Variants in STK24 observed in about 807,000 individuals in gnomAD.
STK24 encodes serine/threonine-protein kinase 24.
STK24 carries 21 observed loss-of-function variants against 55.6 expected under a neutral mutation model. That is an observed-to-expected ratio of 0.38 (90% confidence interval 0.27 to 0.54). The LOEUF (loss-of-function observed/expected upper bound fraction) is 0.54. STK24 is among the 20% of genes least tolerant of loss of function. The pLI, the probability that STK24 is intolerant of heterozygous loss-of-function variation, is 0.79. For synonymous variants in STK24, 200 were observed against 215.2 expected, an observed-to-expected ratio of 0.93 and a Z score of 0.62; for missense variants, 383 against 538.4, an observed-to-expected ratio of 0.71 and a Z score of 2.86.
intron 2 of STK24, chr13:98,508,869 T>C (rs555009686): frequency 6.6e-6 from 1 of 151,768 alleles, no homozygotes; most frequent in South Asian, 2.1e-4. Flanking sequence ...TCTTCAGCTT[T>C]GCCAATTTCA....
At chr13:98,503,974 CCAAA>C (rs1895588958) in intron 2 of STK24, among the ~76,000 whole-genome samples, 1 of 152,164 alleles carries the variant, frequency 6.6e-6, no homozygotes, top group South Asian at 2.1e-4. Context: ...CCTGCGATGG[CCAAA>C]CACTCTCTCC....
chr13:98,551,767 T>C (rs1566401227), intron 1 of STK24, among the ~76,000 whole-genome samples: 2 of 152,226 alleles, frequency 1.3e-5, no homozygotes, highest in Admixed American at 6.5e-5. Context: ...GAAGCTGGCC[T>C]GTGAGTTCAT....
chr13:98,536,015 A>C (rs558141650), intron 1 of STK24, among the ~76,000 whole-genome samples: 1 of 152,366 alleles, frequency 6.6e-6, no homozygotes, highest in African/African-American at 2.4e-5. Context: ...ATTTCAATTA[A>C]TAACGCATTT....
chr13:98,511,309 AC>A (rs1401367545), intron 2 of STK24, among the ~76,000 whole-genome samples: 1 of 152,268 alleles, frequency 6.6e-6, no homozygotes, highest in Non-Finnish European at 1.5e-5. Context: ...ACAATGAAAT[AC>A]CATTCCACAC....
chr13:98,485,792 T>C (rs1367786729), intron 2 of STK24, among the ~76,000 whole-genome samples: 1 of 152,096 alleles, frequency 6.6e-6, no homozygotes, highest in Non-Finnish European at 1.5e-5. Flanking sequence ...TTTGCAAGCA[T>C]TCCAGCCGCT....
intron 5 of STK24, among the ~76,000 whole-genome samples, chr13:98,467,354 C>A (rs1260988459): frequency 6.6e-6 from 1 of 152,070 alleles, no homozygotes; most frequent in Non-Finnish European, 1.5e-5. Flanking sequence ...CCTATCAGTG[C>A]CTGAAATTAA....
At chr13:98,568,348 G>A (rs1471136612) in intron 1 of STK24, among the ~76,000 whole-genome samples, 1 of 152,134 alleles carries the variant, frequency 6.6e-6, no homozygotes, top group Admixed American at 6.5e-5. Context: ...CTCAGGAACT[G>A]ACGGCACCAG....
chr13:98,463,584 TAAA>T (rs56325686), intron 7 of STK24, 104 bp downstream of exon 7: 748 of 1,045,660 alleles, frequency 7.2e-4, no homozygotes, highest in East Asian at 9.3e-4. Flanking sequence ...CTGGATTGTC[TAAA>T]AAAAAAAAAA....
intron 3 of STK24, among the ~76,000 whole-genome samples, chr13:98,478,167 A>G (rs1405203996): frequency 6.6e-6 from 1 of 152,182 alleles, no homozygotes; most frequent in African/African-American, 2.4e-5. Context: ...GGTGTTCGCC[A>G]TTGCGACCAT....
rs72645191 is a variant in STK24 at position 98,530,117 on chromosome 13, G to A, written c.43-10644C>T. Among the ~76,000 whole-genome samples the A allele has an allele frequency of 1.7e-3, 256 of 151,600 alleles. 1 individual carries two copies. Among genetic ancestry groups the A allele is most frequent in the African/African-American group, 5.6e-3 (232 of 41,294 alleles). On this transcript the variant is annotated intron_variant, in intron 1 of 10. Transcript: ENST00000539966. ...CACACACAGATATACACACACACAC[G>A]CACACACACACACAGAGCTGTCAAG...
intron 1 of STK24, among the ~76,000 whole-genome samples, chr13:98,540,799 C>T (rs1594654186): frequency 8.2e-6 from 1 of 122,424 alleles, no homozygotes; most frequent in South Asian, 2.9e-4. Context: ...TGCCCTTATA[C>T]AAAGCTGGAA....
chr13:98,469,504 T>A (rs1268039665), intron 5 of STK24, among the ~76,000 whole-genome samples: 7 of 149,448 alleles, frequency 4.7e-5, no homozygotes, highest in Admixed American at 3.3e-4. Context: ...AGCGAGATCA[T>A]AAGTCTGGGT....
chr13:98,543,546 G>A (rs1327314730), intron 1 of STK24, among the ~76,000 whole-genome samples: 2 of 152,224 alleles, frequency 1.3e-5, no homozygotes, highest in African/African-American at 2.4e-5. Flanking sequence ...AGAAGCAGCA[G>A]GTGAGGCCAG....
In STK24 at chr13:98,496,577, C is replaced by T. The variant is rs554916894; in HGVS notation, c.274-14256G>A. Among the ~76,000 whole-genome samples the T allele has an allele frequency of 3.3e-5, 5 of 152,298 alleles. No homozygotes were observed. In the South Asian group the frequency reaches 1.0e-3, roughly 32 times the overall value. ...CTCTGGGTGTGTCCCCACACGAGATCAACGATTTGGCTGTTCTCAAAGAAC... is the reference window on the plus strand; with the variant it reads ...CTCTGGGTGTGTCCCCACACGAGATTAACGATTTGGCTGTTCTCAAAGAAC... On this transcript the variant is annotated intron_variant, in intron 2 of 10. Transcript: ENST00000539966.
Position 98,576,764 on chromosome 13 carries a change from G to T in STK24, c.23C>A (p.Ser8Ter). The stretch of plus-strand genomic sequence containing the variant: ...GCCTACCTGCATGCCGGGCAGGCCC[G>T]ACTGCACCGGGGAGTGAGCCATGGC... MAHSPVQ[S>*]GLPGMQNLKA... The change falls in exon 1 of 11, where the codon TCG (serine) becomes TAG (stop). Residue 8 changes from serine (S) to a stop codon, truncating the protein, a stop_gained. Coordinates refer to ENST00000539966, the MANE Select transcript of STK24 (RefSeq NM_001032296.4). LOFTEE classifies it high-confidence loss of function. The T allele has an allele frequency of 6.9e-7, 1 of 1,453,012 alleles. No homozygotes were observed. The highest frequency in any genetic ancestry group is 9.0e-7 in the Non-Finnish European group (1 of 1,106,194). The allele number at this position is 1,453,012 out of a possible 1,614,324, so 90.0% of individuals were successfully genotyped here.
chr13:98,508,627 A>AT (rs1436748879), intron 2 of STK24, among the ~76,000 whole-genome samples: 1 of 152,112 alleles, frequency 6.6e-6, no homozygotes, highest in African/African-American at 2.4e-5. Flanking sequence ...AACAGGGGGT[A>AT]TTTTAAAGGG....
At chr13:98,491,588 G>T (rs1895037833) in intron 2 of STK24, among the ~76,000 whole-genome samples, 1 of 151,486 alleles carries the variant, frequency 6.6e-6, no homozygotes, top group Non-Finnish European at 1.5e-5. Context: ...CTACAAGTTA[G>T]CTACAAATAA....
intron 1 of STK24, among the ~76,000 whole-genome samples, chr13:98,555,683 T>TATGTAAATGTCTTCC (rs1897271621): frequency 7.0e-6 from 1 of 143,546 alleles, no homozygotes; most frequent in African/African-American, 2.6e-5. Context: ...CTCCCTGTCT[T>TATGTAAATGTCTTCC]TTTTTTTTTT....
intron 5 of STK24, among the ~76,000 whole-genome samples, chr13:98,470,589 C>T (rs1894105303): frequency 6.6e-6 from 1 of 152,228 alleles, no homozygotes; most frequent in South Asian, 2.1e-4. Context: ...CTAATATAAG[C>T]TCCAGTCAAA....
Sources: gnomAD v4.1 joint callset for allele counts (sites outside exome capture counted in the v4.1 genomes callset) on GRCh38, gnomAD v4.1.1 for gene constraint, MANE v1.5 for transcripts, NCBI Gene and HGNC (gene_info 2026-07-23, HGNC 2026-07-21) for gene names.